Variants in SRRM4 observed in about 807,000 individuals in gnomAD.
SRRM4 encodes the protein serine/arginine repetitive matrix 4.
Under a neutral mutation model 68.9 loss-of-function variants are expected in SRRM4, and 33 were observed. That is an observed-to-expected ratio of 0.48 (90% CI 0.36 to 0.64). The LOEUF (loss-of-function observed/expected upper bound fraction) is 0.64. SRRM4 is among the 30% of genes least tolerant of loss of function. The pLI is 0.00. For synonymous variants in SRRM4, 318 were observed against 318.8 expected (o/e 1.00, Z 0.03); for missense variants, 817 against 827.1 (o/e 0.99, Z 0.15).
intron 1 of SRRM4, among the ~76,000 whole-genome samples, chr12:119,045,973 G>A (rs142291398): frequency 0.011 from 1,700 of 152,190 alleles, 30 homozygotes; most frequent in African/African-American, 0.039. Flanking sequence ...GGGAGGCAGA[G>A]GTTGCAGTGA....
At chr12:119,031,727 T>A (rs997623262) in intron 1 of SRRM4, among the ~76,000 whole-genome samples, 11 of 152,196 alleles carry the variant, frequency 7.2e-5, no homozygotes, top group Non-Finnish European at 1.5e-4. Context: ...CCTGTTTTTA[T>A]TTGCATTTCT....
intron 1 of SRRM4, among the ~76,000 whole-genome samples, chr12:119,002,956 A>G (rs1307607050): frequency 1.3e-5 from 2 of 152,000 alleles, no homozygotes; most frequent in Non-Finnish European, 2.9e-5. Flanking sequence ...TCAACCTCGC[A>G]ACCACCCTTT....
chr12:119,148,598 C>T (rs1175219884), intron 9 of SRRM4, among the ~76,000 whole-genome samples: 1 of 152,186 alleles, frequency 6.6e-6, no homozygotes, highest in Non-Finnish European at 1.5e-5. Context: ...TAGGACAGTA[C>T]TATTTGTAAC....
intron 1 of SRRM4, among the ~76,000 whole-genome samples, chr12:119,076,146 G>T (rs564676068): frequency 1.4e-5 from 2 of 147,788 alleles, no homozygotes; most frequent in South Asian, 4.3e-4. Flanking sequence ...GATGACAATG[G>T]GAATAATGAT....
intron 3 of SRRM4, among the ~76,000 whole-genome samples, chr12:119,116,025 A>G (rs976295931): frequency 3.3e-5 from 5 of 150,728 alleles, no homozygotes; most frequent in Admixed American, 6.6e-5. Flanking sequence ...TGAGAAGCAG[A>G]CTCCCCTCCA....
At position 119,154,450 on chromosome 12, in the gene SRRM4, GC is replaced by G; in HGVS notation, c.1532+69del. The G allele has an allele frequency of 6.4e-7, 1 of 1,571,632 alleles. No homozygotes were observed. Among genetic ancestry groups the G allele is most frequent in the Non-Finnish European group, 8.7e-7 (1 of 1,152,836 alleles). ...CCCACTCCCATTCTTACTCATTCGA[GC>G]CTCAGGCTCTCCCTAGGCCTCCTTG... On this transcript the variant is annotated intron_variant, in intron 12 of 12. Coordinates refer to ENST00000267260, the MANE Select transcript of SRRM4 (RefSeq NM_194286.4). The surrounding 1 kb of genome is among the most constrained non-coding windows in gnomAD (Gnocchi z 4.7).
At chr12:119,112,468 T>A (rs766925016) in intron 2 of SRRM4, among the ~76,000 whole-genome samples, 6 of 152,226 alleles carry the variant, frequency 3.9e-5, no homozygotes, top group Non-Finnish European at 8.8e-5. Flanking sequence ...GGAATGAATA[T>A]ATGTCATTCT....
At chr12:119,135,132 T>C (rs1332848443) in intron 8 of SRRM4, among the ~76,000 whole-genome samples, 1 of 152,194 alleles carries the variant, frequency 6.6e-6, no homozygotes, top group African/African-American at 2.4e-5. Flanking sequence ...TTGTGGTTTG[T>C]GCCTTGAAAG....
chr12:119,041,202 A>G (rs548801859), intron 1 of SRRM4, among the ~76,000 whole-genome samples: 2 of 152,294 alleles, frequency 1.3e-5, no homozygotes, highest in South Asian at 4.1e-4. Context: ...AGGTCAAGCC[A>G]TTTGCCTAAG....
At chr12:119,012,021 T>C (rs1427882339) in intron 1 of SRRM4, among the ~76,000 whole-genome samples, 2 of 152,240 alleles carry the variant, frequency 1.3e-5, no homozygotes, top group Non-Finnish European at 2.9e-5. Flanking sequence ...TCTAGTTAAG[T>C]GCTCAGTAAA....
intron 1 of SRRM4, among the ~76,000 whole-genome samples, chr12:119,082,424 ATCT>A (rs1429678679): frequency 1.3e-5 from 2 of 152,158 alleles, no homozygotes; most frequent in East Asian, 3.9e-4. Context: ...CCTTTGATTG[ATCT>A]TCTCAAATGG....
intron 6 of SRRM4, among the ~76,000 whole-genome samples, chr12:119,123,136 T>G (rs1290681724): frequency 6.6e-6 from 1 of 152,186 alleles, no homozygotes; most frequent in Non-Finnish European, 1.5e-5. Flanking sequence ...GGTAGTCGAC[T>G]GCCAGGGAGG....
chr12:119,150,554 C>T (rs1954432388), intron 9 of SRRM4, among the ~76,000 whole-genome samples: 1 of 152,132 alleles, frequency 6.6e-6, no homozygotes, highest in Admixed American at 6.5e-5. Context: ...AGTTGCCTAA[C>T]CAAGGCTGAG....
intron 1 of SRRM4, among the ~76,000 whole-genome samples, chr12:119,021,640 C>T (rs1272890425): frequency 1.3e-5 from 2 of 152,146 alleles, no homozygotes; most frequent in African/African-American, 4.8e-5. Flanking sequence ...CCACTAGGGA[C>T]CCCACCCCTG....
At chr12:119,035,717 C>T (rs954151516) in intron 1 of SRRM4, among the ~76,000 whole-genome samples, 2 of 152,176 alleles carry the variant, frequency 1.3e-5, no homozygotes, top group Non-Finnish European at 2.9e-5. Context: ...GTGCCCCTCT[C>T]TGATTATCCC....
chr12:119,130,983 A>T (rs1954294117), intron 8 of SRRM4, 149 bp downstream of exon 8: 3 of 903,028 alleles, frequency 3.3e-6, no homozygotes, highest in East Asian at 6.1e-5. Flanking sequence ...TGATGAACCA[A>T]ATGATCATTC....
In SRRM4 at chr12:118,981,803, C is replaced by T. The variant is rs1953248775; in HGVS notation, c.-80C>T. 3.3e-6 allele frequency: 5 copies of T among 1,511,582 alleles called. No individual in the cohort carries two copies. The highest frequency in any genetic ancestry group is 3.6e-6 in the Non-Finnish European group (4 of 1,120,192). The allele number at this position is 1,511,582 out of a possible 1,614,324, so 93.6% of individuals were successfully genotyped here. A position where few individuals can be genotyped will look rare whatever the true frequency, so the allele number is the denominator to read the frequency against. ...GGTTTCACCCGGACAGAGCCGGGAG[C>T]TGGGTGTCGCCCCCGTTTGGAATCC... On this transcript the variant is annotated 5_prime_UTR_variant, in exon 1 of 13. Coordinates refer to ENST00000267260, the MANE Select transcript of SRRM4 (RefSeq NM_194286.4).
intron 9 of SRRM4, among the ~76,000 whole-genome samples, chr12:119,146,260 A>G (rs1312350202): frequency 6.6e-6 from 1 of 152,198 alleles, no homozygotes; most frequent in Non-Finnish European, 1.5e-5. Context: ...AGGCAAAAAA[A>G]CAGATGACAA....
At chr12:119,085,104 T>G (rs1416796884) in intron 1 of SRRM4, among the ~76,000 whole-genome samples, 1 of 152,166 alleles carries the variant, frequency 6.6e-6, no homozygotes, top group African/African-American at 2.4e-5. Flanking sequence ...TTTCACCATG[T>G]TGGCCAGGCT....
Sources: allele counts gnomAD v4.1 joint callset (sites outside exome capture counted in the v4.1 genomes callset), GRCh38; gene constraint gnomAD v4.1.1; non-coding constraint Gnocchi (gnomAD v3.1); transcripts MANE v1.5; gene names NCBI Gene and HGNC (gene_info 2026-07-23, HGNC 2026-07-21).